Variants in UPRT observed in about 807,000 individuals in gnomAD.
UPRT encodes the protein uracil phosphoribosyltransferase homolog.
In UPRT, 5 loss-of-function variants were observed where a neutral mutation model predicts 22.6. The ratio of observed to expected loss-of-function variants is 0.22; its 90% CI spans 0.12 to 0.47. The LOEUF (loss-of-function observed/expected upper bound fraction) is 0.47, where lower values mean the gene tolerates loss of function less well. Ranked by LOEUF, UPRT falls within the 20% of genes least tolerant of loss-of-function variation. The pLI, the probability that UPRT is intolerant of heterozygous loss-of-function variation, is 0.99. For missense variants in UPRT, 181 were observed against 239.9 expected (o/e 0.75, Z 1.62); for synonymous variants, 77 against 87.7 (o/e 0.88, Z 0.68).
intron 4 of UPRT, among the ~76,000 whole-genome samples, chrX:75,196,657 G>C (rs1378984651): frequency 2.9e-4 from 32 of 111,754 alleles, no homozygotes. Context: ...GACCAGCCTG[G>C]CCAACATGGC....
intron 5 of UPRT, among the ~76,000 whole-genome samples, chrX:75,300,552 C>G (rs1381703994): frequency 9.0e-6 from 1 of 111,478 alleles, no homozygotes; most frequent in Admixed American, 9.5e-5. Flanking sequence ...TTTGGGAGGT[C>G]GAGGTGGAAG....
chrX:75,243,283 C>CA (rs1170221286), intron 4 of UPRT, among the ~76,000 whole-genome samples: 9 of 111,081 alleles, frequency 8.1e-5, no homozygotes, highest in Admixed American at 1.9e-4. Context: ...ACATGCCTGG[C>CA]AAATAGTAAG....
At chrX:75,247,515 C>T (rs1281452074) in intron 4 of UPRT, among the ~76,000 whole-genome samples, 1 of 111,675 alleles carries the variant, frequency 9.0e-6, no homozygotes, top group Non-Finnish European at 1.9e-5. Flanking sequence ...AACTGCAAAG[C>T]GGCAGTGAGG....
intron 5 of UPRT, 120 bp downstream of exon 5, chrX:75,300,016 G>A (rs1342607523): frequency 3.5e-6 from 3 of 853,472 alleles, no homozygotes; most frequent in Non-Finnish European, 4.9e-6. Context: ...TTTCTCAGTT[G>A]GGAAAACTGC....
intron 1 of UPRT, among the ~76,000 whole-genome samples, chrX:75,159,427 G>T (rs1156635336): frequency 8.9e-6 from 1 of 112,019 alleles, no homozygotes; most frequent in African/African-American, 3.2e-5. Flanking sequence ...TATTGTTTAT[G>T]ATATCATATG....
chrX:75,221,380 C>A (rs1004249005), intron 4 of UPRT, among the ~76,000 whole-genome samples: 7 of 111,217 alleles, frequency 6.3e-5, no homozygotes, highest in African/African-American at 2.0e-4. Context: ...TTGGGAAATT[C>A]TCTGTTATCA....
At chrX:75,262,177 C>A (rs1206277035) in intron 4 of UPRT, among the ~76,000 whole-genome samples, 1 of 111,331 alleles carries the variant, frequency 9.0e-6, no homozygotes, top group Non-Finnish European at 1.9e-5. Flanking sequence ...TCATATCCAG[C>A]CAAACTAAGC....
At chrX:75,241,170 A>G (rs759841073) in intron 4 of UPRT, among the ~76,000 whole-genome samples, 3 of 111,629 alleles carry the variant, frequency 2.7e-5, no homozygotes, top group African/African-American at 9.7e-5. Flanking sequence ...TTCACAAGCT[A>G]TGCATCCAAC....
intron 4 of UPRT, among the ~76,000 whole-genome samples, chrX:75,260,039 T>C (rs1314340913): frequency 2.7e-5 from 3 of 111,698 alleles, no homozygotes; most frequent in Non-Finnish European, 5.6e-5. Context: ...TAAAATCCTT[T>C]ACAGACAAGC....
chrX:75,184,570 T>G (rs2082282418), intron 4 of UPRT, among the ~76,000 whole-genome samples: 1 of 108,248 alleles, frequency 9.2e-6, no homozygotes, highest in Non-Finnish European at 1.9e-5. Context: ...AGAAAGGCAT[T>G]GGTAGCTTGA....
rs138652625 is a variant in UPRT, at chrX:75,160,679, C to T, written c.-615+8C>T. On this transcript the variant is annotated splice_region_variant and intron_variant, in intron 2 of 13. Transcript: ENST00000652605. ...CAAGTAGCTGGGACTAAGGTGTGTACGACAGTGCCTGACATATATTTAAAA... is the reference window on the plus strand; with the variant it reads ...CAAGTAGCTGGGACTAAGGTGTGTATGACAGTGCCTGACATATATTTAAAA... Among the ~76,000 whole-genome samples, 479 of 111,163 alleles carry T rather than the reference C, an allele frequency of 4.3e-3. 2 individuals are homozygous for T. The highest frequency in any genetic ancestry group is 0.015 in the African/African-American group (462 of 30,569).
In UPRT at chrX:75,262,378, A is replaced by C. The variant is rs564216289; in HGVS notation, c.-446-28646A>C. On this transcript the variant is annotated intron_variant, in intron 4 of 13. Coordinates refer to the UPRT transcript ENST00000652605. ...CACCATGAAAAAAGTACCTCAACTA[A>C]TGGGCAAAATAACCAGCTAGCATCA... is the stretch of plus-strand genomic sequence containing the variant. Among the ~76,000 whole-genome samples, 8 of 111,501 alleles carry C rather than the reference A, an allele frequency of 7.2e-5. No individual in the cohort carries two copies. The Middle Eastern group carries it at 0.019, about 259-fold the overall frequency.
chrX:75,179,056 C>A (rs2082260111), intron 4 of UPRT, among the ~76,000 whole-genome samples: 1 of 111,892 alleles, frequency 8.9e-6, no homozygotes, highest in Non-Finnish European at 1.9e-5. Context: ...CACACAGGTT[C>A]TCTAAGGCCC....
intron 4 of UPRT, among the ~76,000 whole-genome samples, chrX:75,247,292 C>T (rs1383407922): frequency 9.0e-6 from 1 of 111,207 alleles, no homozygotes; most frequent in African/African-American, 3.3e-5. Flanking sequence ...ATTGCCTCAT[C>T]CGGGAAGCGC....
chrX:75,281,877 G>A (rs1179951187), intron 1 of UPRT, among the ~76,000 whole-genome samples: 1 of 111,146 alleles, frequency 9.0e-6, no homozygotes, highest in African/African-American at 3.3e-5. Flanking sequence ...GAAGTCTTCT[G>A]TGAATCTATC....
chrX:75,267,944 A>G (rs780835339), intron 4 of UPRT, among the ~76,000 whole-genome samples: 54 of 111,441 alleles, frequency 4.8e-4, no homozygotes, highest in Non-Finnish European at 7.9e-4. Context: ...GACACAAAAA[A>G]CCCTCAAAAA....
rs181266119 is a variant in UPRT, at chrX:75,265,037, G to A, written c.-446-25987G>A. On this transcript the variant is annotated intron_variant, in intron 4 of 13. Transcript: ENST00000652605. ...CTCTCTTCTGGCTTGTAGAGTTTCT[G>A]CCAAGAGATCAGCTGGTAGTCTGAT... Among the ~76,000 whole-genome samples, 412 of 112,128 alleles carry A rather than the reference G, an allele frequency of 3.7e-3. 3 individuals carry two copies. The highest frequency in any genetic ancestry group is 0.013 in the African/African-American group (391 of 30,919).
chrX:75,229,978 C>T (rs930394892), intron 4 of UPRT, among the ~76,000 whole-genome samples: 4 of 112,270 alleles, frequency 3.6e-5, no homozygotes, highest in African/African-American at 1.3e-4. Flanking sequence ...AGCCTGAAAG[C>T]CCTGCTTGCT....
intron 4 of UPRT, among the ~76,000 whole-genome samples, chrX:75,179,185 C>T (rs1446839273): frequency 9.1e-6 from 1 of 110,456 alleles, no homozygotes; most frequent in Non-Finnish European, 1.9e-5. Context: ...TTTCCAAGGC[C>T]CCACCAGAGC....
Sources: gnomAD v4.1 joint callset for allele counts (sites outside exome capture counted in the v4.1 genomes callset) on GRCh38, gnomAD v4.1.1 for gene constraint, MANE v1.5 for transcripts, NCBI Gene and HGNC (gene_info 2026-07-23, HGNC 2026-07-21) for gene names.